Variants in RELB observed in about 807,000 individuals in gnomAD.
The protein encoded by RELB is transcription factor RelB.
RELB carries 14 observed loss-of-function variants against 55.4 expected under a neutral mutation model. That is an observed-to-expected ratio of 0.25 (90% CI 0.17 to 0.40). The LOEUF is 0.40. Ranked by LOEUF, RELB falls within the 10% of genes least tolerant of loss-of-function variation. RELB has a pLI of 1.00. For synonymous variants in RELB, 409 were observed against 371.3 expected, an observed-to-expected ratio of 1.10 and a Z score of -1.17; for missense variants, 669 against 830.7, an observed-to-expected ratio of 0.81 and a Z score of 2.39.
Position 45,025,667 on chromosome 19 carries a change from C to G in RELB, c.816C>G (p.Ala272=). 6.2e-7 allele frequency: 1 copy of G among 1,613,958 alleles called. No homozygotes were observed. The change falls in exon 7 of 12, where the codon GCC becomes GCG. Residue 272 remains alanine (A), a synonymous_variant. Coordinates refer to ENST00000221452, the MANE Select transcript of RELB (RefSeq NM_006509.4). ...ATGTGGTGAGGATCTGCTTCCAGGC[C>G]TCATATCGGGACCAGCAGGGACAGA... ...DMNVVRICFQ[A]SYRDQQGQMR...
chr19:45,005,521 TC>T (rs1458418186), intron 2 of RELB, among the ~76,000 whole-genome samples: 1 of 152,114 alleles, frequency 6.6e-6, no homozygotes, highest in Admixed American at 6.6e-5. Flanking sequence ...TGAGGCCGGT[TC>T]CCCAACAGGT....
intron 5 of RELB, among the ~76,000 whole-genome samples, chr19:45,023,583 G>A (rs544006012): frequency 3.7e-4 from 56 of 150,914 alleles, no homozygotes; most frequent in African/African-American, 1.2e-3. Context: ...GACTGCAGGC[G>A]CCCACCACCA....
chr19:45,002,731 G>C (rs1971229241), intron 1 of RELB, among the ~76,000 whole-genome samples: 1 of 152,188 alleles, frequency 6.6e-6, no homozygotes, highest in African/African-American at 2.4e-5. Flanking sequence ...AGCGGGCCCT[G>C]AGTGTGATGA....
At chr19:45,013,379 G>A (rs922250435) in intron 4 of RELB, among the ~76,000 whole-genome samples, 6 of 152,028 alleles carry the variant, frequency 3.9e-5, no homozygotes, top group Non-Finnish European at 8.8e-5. Context: ...GACCTCAAGT[G>A]ATCCGCATGC....
intron 8 of RELB, among the ~76,000 whole-genome samples, chr19:45,030,896 G>T (rs1971612730): frequency 1.3e-5 from 2 of 152,154 alleles, no homozygotes; most frequent in South Asian, 4.1e-4. Flanking sequence ...AGCCTTCCTG[G>T]GTTTCCATCT....
chr19:45,012,311 T>G, intron 4 of RELB, 35 bp downstream of exon 4: 3 of 1,288,914 alleles, frequency 2.3e-6, no homozygotes, highest in Non-Finnish European at 3.0e-6. Flanking sequence ...CGGGTGGGAC[T>G]GGGGCTTCCC....
intron 3 of RELB, among the ~76,000 whole-genome samples, chr19:45,011,509 T>A (rs1216599014): frequency 6.6e-6 from 1 of 151,766 alleles, no homozygotes; most frequent in Non-Finnish European, 1.5e-5. Flanking sequence ...CAGGCTGGCG[T>A]GCAGTGTCAC....
chr19:45,021,380 A>G (rs1004978080), intron 4 of RELB, among the ~76,000 whole-genome samples: 1 of 139,264 alleles, frequency 7.2e-6, no homozygotes, highest in Admixed American at 7.5e-5. Context: ...AGGCTGAGGC[A>G]GGAGAATGGC....
rs1474009352 is a variant in RELB, at chr19:45,032,599, G to A, written c.1057G>A (p.Val353Met). The A allele has an allele frequency of 1.9e-6, 3 of 1,613,406 alleles. No individual in the cohort carries two copies. Among genetic ancestry groups the A allele is most frequent in the Non-Finnish European group, 2.5e-6 (3 of 1,179,776 alleles). ...EGRADFSQAD[V>M]HRQIAIVFKT... ...TCGGGCTGACTTCTCCCAGGCCGAC[G>A]TGCACCGCCAGATTGCCATTGTGTT... The change falls in exon 9 of 12, where the codon GTG becomes ATG. Residue 353 changes from valine (V) to methionine (M), a missense_variant. By Grantham distance (21) the Val-to-Met change is conservative. This residue lies in a region of RELB where 341 missense variants were observed against 436.8 expected (regional missense o/e 0.78). Coordinates refer to ENST00000221452, the MANE Select transcript of RELB (RefSeq NM_006509.4).
Position 45,001,500 on chromosome 19 carries a change from G to T in RELB, c.-80G>T. The T allele has an allele frequency of 6.0e-6, 4 of 665,314 alleles. No homozygotes were observed. The highest frequency in any genetic ancestry group is 8.3e-6 in the Non-Finnish European group (4 of 483,278). The allele number at this position is 665,314 out of a possible 1,614,324, so 41.2% of individuals were successfully genotyped here. ...CGCCGCGCGTCCTGCCCGGCCTGCG[G>T]CCCCAGCCCTTGCGCCGCTCGTCCG... is the stretch of plus-strand genomic sequence containing the variant. On this transcript the variant is annotated 5_prime_UTR_variant, in exon 1 of 12. Transcript: ENST00000221452.
intron 2 of RELB, among the ~76,000 whole-genome samples, chr19:45,003,913 G>GTTTTT (rs1346315548): frequency 1.9e-5 from 1 of 52,696 alleles, no homozygotes; most frequent in Non-Finnish European, 3.9e-5. Context: ...TCTGTTTTTT[G>GTTTTT]TGTTTTTTTT....
rs1038365209 is a variant in RELB, at chr19:45,037,492, G to A, written c.1442G>A (p.Gly481Glu). 3 of 1,612,340 alleles carry A rather than the reference G, an allele frequency of 1.9e-6. No homozygotes were observed. Among genetic ancestry groups the A allele is most frequent in the Non-Finnish European group, 2.5e-6 (3 of 1,179,706 alleles). The change falls in exon 12 of 12, where the codon GGG becomes GAG. Residue 481 changes from glycine (G) to glutamate (E), a missense_variant. This residue lies in a region of RELB where 341 missense variants were observed against 436.8 expected (regional missense o/e 0.78). Transcript: ENST00000221452. The part of the protein sequence containing the change: ...VSLPGLEPPG[G>E]PDLLDDGFAY... ...CTGCCCGGCCTGGAGCCCCCTGGCG[G>A]GCCTGACCTCCTGGACGATGGCTTT...
At chr19:45,017,603 T>A (rs915704058) in intron 4 of RELB, among the ~76,000 whole-genome samples, 3 of 152,154 alleles carry the variant, frequency 2.0e-5, no homozygotes, top group East Asian at 3.9e-4. Flanking sequence ...TGAGGTATAA[T>A]TGATGTAAGA....
chr19:45,006,432 G>C (rs557867826), intron 2 of RELB, among the ~76,000 whole-genome samples: 21 of 151,986 alleles, frequency 1.4e-4, no homozygotes, highest in South Asian at 1.0e-3. Context: ...TCAAAATCCT[G>C]ACCTCCACTG....
chr19:45,024,214 T>C lies in RELB; in HGVS notation c.663-1115T>C, dbSNP rs531849102. 1.4e-3 allele frequency among the ~76,000 whole-genome samples: 218 copies of C among 152,074 alleles called. 1 individual carries two copies. The highest frequency in any genetic ancestry group is 4.9e-3 in the African/African-American group (204 of 41,468). On this transcript the variant is annotated intron_variant, in intron 5 of 11. Coordinates refer to ENST00000221452, the MANE Select transcript of RELB (RefSeq NM_006509.4). ...TCTCGCTTTGTCGCCCAGGCTGGAG[T>C]GCAGTGGCGCGATCTCGGCTCACTG...
At position 45,001,969 on chromosome 19, in the gene RELB, C is replaced by T. The variant is rs576269767; in HGVS notation, c.106+284C>T. On this transcript the variant is annotated intron_variant, in intron 1 of 11. Coordinates refer to ENST00000221452, the MANE Select transcript of RELB (RefSeq NM_006509.4). ...GTGGCCTGACTCAGAGAAGGCGGAG[C>T]GAAAGCTGCTCTTGGGCGGTATCGG... is the stretch of plus-strand genomic sequence containing the variant. 2.4e-3 allele frequency among the ~76,000 whole-genome samples: 356 copies of T among 145,618 alleles called. 4 individuals carry two copies. The highest frequency in any genetic ancestry group is 4.4e-3 in the Non-Finnish European group (291 of 66,508).
chr19:45,034,628 C>A, intron 11 of RELB, 100 bp downstream of exon 11: 1 of 951,508 alleles, frequency 1.1e-6, no homozygotes, highest in Non-Finnish European at 1.6e-6. Context: ...AGAGCAGCCA[C>A]AAGGCGAGTC....
chr19:45,010,727 G>A (rs1971340485), intron 3 of RELB, among the ~76,000 whole-genome samples: 1 of 152,084 alleles, frequency 6.6e-6, no homozygotes, highest in Admixed American at 6.6e-5. Context: ...GCCCAGGCTG[G>A]AGTGCAGTGG....
At chr19:45,013,624 G>A (rs966201787) in intron 4 of RELB, among the ~76,000 whole-genome samples, 1 of 151,878 alleles carries the variant, frequency 6.6e-6, no homozygotes, top group African/African-American at 2.4e-5. Context: ...CCTGAGGTCG[G>A]GAGTTCGAGA....
Sources: allele counts gnomAD v4.1 joint callset (sites outside exome capture counted in the v4.1 genomes callset), GRCh38; gene constraint gnomAD v4.1.1; regional missense constraint gnomAD v4.1.1; transcripts MANE v1.5; gene names NCBI Gene and HGNC (gene_info 2026-07-23, HGNC 2026-07-21).